GNG7: variants seen among roughly 807,000 people sequenced by gnomAD.
GNG7 encodes G protein subunit gamma 7.
Under a neutral mutation model 4.0 loss-of-function variants are expected in GNG7, and 1 was observed. The ratio of observed to expected loss-of-function variants is 0.25; its 90% CI spans 0.09 to 1.18. The LOEUF (loss-of-function observed/expected upper bound fraction) is 1.18. Among genes scored for constraint, GNG7 ranks in the 50% most tolerant of loss-of-function variants. GNG7 has a pLI of 0.50. For synonymous variants in GNG7, 34 were observed against 36.9 expected (o/e 0.92, Z 0.29); for missense variants, 86 against 91.9 (o/e 0.94, Z 0.26).
In GNG7 at chr19:2,671,565, C is replaced by G. The variant is rs375299884; in HGVS notation, c.-134-25285G>C. Among the ~76,000 whole-genome samples, 74 of 152,076 alleles carry G rather than the reference C, an allele frequency of 4.9e-4. 1 individual carries two copies. Among genetic ancestry groups the G allele is most frequent in the Middle Eastern group, 6.8e-3 (2 of 294 alleles). ...CCTGGCTGAGCTCCGAGGCCATGTCCAGGGGTCATGAATTTGAGGTCAGCC... is the reference window on the plus strand; with the variant it reads ...CCTGGCTGAGCTCCGAGGCCATGTCGAGGGGTCATGAATTTGAGGTCAGCC... On this transcript the variant is annotated intron_variant, in intron 1 of 4. Coordinates refer to ENST00000382159, the MANE Select transcript of GNG7 (RefSeq NM_052847.3).
rs922332065 is a variant in GNG7 at position 2,653,939 on chromosome 19, G to A, written c.-134-7659C>T. On this transcript the variant is annotated intron_variant, in intron 1 of 4. Coordinates refer to ENST00000382159, the MANE Select transcript of GNG7 (RefSeq NM_052847.3). This position sits in a 1 kb window ranked among gnomAD's most constrained non-coding sequence, Gnocchi z 4.8. ...CGAGGGGACAGCTCTCGCCTGCCTC[G>A]GCGAGCCCGGGTTCCAGAAGATGTG... Among the ~76,000 whole-genome samples, 1 of 152,168 alleles carries A rather than the reference G, an allele frequency of 6.6e-6. No individual in the cohort carries two copies. The highest frequency in any genetic ancestry group is 1.5e-5 in the Non-Finnish European group (1 of 68,018).
At chr19:2,556,217 C>T (rs1425865725) in intron 2 of GNG7, among the ~76,000 whole-genome samples, 2 of 152,260 alleles carry the variant, frequency 1.3e-5, no homozygotes, top group Non-Finnish European at 2.9e-5. Context: ...GCTGAGCCGG[C>T]AGCCCCACTT....
At chr19:2,566,370 G>A (rs576081479) in intron 2 of GNG7, among the ~76,000 whole-genome samples, 2 of 152,196 alleles carry the variant, frequency 1.3e-5, no homozygotes, top group East Asian at 3.9e-4. Context: ...ACTGGCTTCG[G>A]AAGAACCCAG....
At chr19:2,681,139 G>T (rs1247115510) in intron 1 of GNG7, among the ~76,000 whole-genome samples, 1 of 150,800 alleles carries the variant, frequency 6.6e-6, no homozygotes, top group Non-Finnish European at 1.5e-5. Context: ...GCCCCAGCAG[G>T]CCTGGCTAAT....
At chr19:2,608,880 A>G (rs190198102) in intron 2 of GNG7, among the ~76,000 whole-genome samples, 2 of 152,294 alleles carry the variant, frequency 1.3e-5, no homozygotes, top group African/African-American at 4.8e-5. Context: ...CCACCTTCTG[A>G]CCCGCTTTTT....
chr19:2,561,479 C>T (rs896585252), intron 2 of GNG7, among the ~76,000 whole-genome samples: 3 of 152,116 alleles, frequency 2.0e-5, no homozygotes, highest in East Asian at 1.9e-4. Context: ...CCTGTCCTCC[C>T]CTTGTCCCTT....
intron 2 of GNG7, among the ~76,000 whole-genome samples, chr19:2,597,116 T>C (rs978650527): frequency 6.6e-6 from 1 of 151,828 alleles, no homozygotes; most frequent in Non-Finnish European, 1.5e-5. Flanking sequence ...AATTTAAAAA[T>C]TATCCAGGCA....
At chr19:2,536,952 ATTTT>A (rs11288292) in intron 3 of GNG7, among the ~76,000 whole-genome samples, 2 of 108,812 alleles carry the variant, frequency 1.8e-5, no homozygotes, top group Non-Finnish European at 4.0e-5. Context: ...TTTTATTTTT[ATTTT>A]TTTTTTTTGA....
intron 3 of GNG7, among the ~76,000 whole-genome samples, chr19:2,527,110 C>T (rs556696907): frequency 2.6e-5 from 4 of 152,346 alleles, no homozygotes; most frequent in Admixed American, 6.5e-5. Flanking sequence ...TCCCAAAGTG[C>T]TGGGATTACA....
At chr19:2,538,108 C>CA (rs1416196330) in intron 3 of GNG7, 1 of 374,728 alleles carries the variant, frequency 2.7e-6, no homozygotes. Flanking sequence ...AACAAAACAA[C>CA]AATGAATGGA....
At position 2,688,093 on chromosome 19, in the gene GNG7, A is replaced by G. The variant is rs183159371; in HGVS notation, c.-135+14553T>C. On this transcript the variant is annotated intron_variant, in intron 1 of 4. Coordinates refer to ENST00000382159, the MANE Select transcript of GNG7 (RefSeq NM_052847.3). ...CGGTGAAACCCCGTCCCTACTAAAA[A>G]TAACAAAAAATTAGCCGGGCATGGT... is the stretch of plus-strand genomic sequence containing the variant. Among the ~76,000 whole-genome samples, 527 of 152,196 alleles carry G rather than the reference A, an allele frequency of 3.5e-3. 5 individuals carry two copies. The highest frequency in any genetic ancestry group is 0.022 in the South Asian group (105 of 4,820).
rs538471873 is a variant in GNG7, at chr19:2,536,275, G to A, written c.-37-15550C>T. On this transcript the variant is annotated intron_variant, in intron 3 of 4. Transcript: ENST00000382159. The stretch of plus-strand genomic sequence containing the variant: ...TACTAAAAATACAAAAACAGTAGCT[G>A]GGTGTGGTGGCGGGCGCCTGTAGTC... 4.6e-5 allele frequency among the ~76,000 whole-genome samples: 7 copies of A among 152,060 alleles called. No homozygotes were observed. In the South Asian group the frequency reaches 6.2e-4, roughly 14 times the overall value.
At chr19:2,602,887 CTT>C (rs939899802) in intron 2 of GNG7, among the ~76,000 whole-genome samples, 1 of 115,438 alleles carries the variant, frequency 8.7e-6, no homozygotes, top group Non-Finnish European at 1.9e-5. Context: ...CTTTCTCTTT[CTT>C]TTTCTCTTTT....
intron 3 of GNG7, among the ~76,000 whole-genome samples, chr19:2,550,124 G>C (rs758474): frequency 0.62 from 94,625 of 151,930 alleles, 30,114 homozygotes; most frequent in African/African-American, 0.76. Context: ...TGGGGAAAGA[G>C]TGTTTGGGTT....
intron 1 of GNG7, among the ~76,000 whole-genome samples, chr19:2,674,818 A>T (rs1194848855): frequency 6.6e-6 from 1 of 152,186 alleles, no homozygotes; most frequent in Non-Finnish European, 1.5e-5. Flanking sequence ...AGATCTCCTT[A>T]TGTGATGGTC....
At chr19:2,664,342 A>G (rs938322158) in intron 1 of GNG7, among the ~76,000 whole-genome samples, 1 of 152,198 alleles carries the variant, frequency 6.6e-6, no homozygotes, top group African/African-American at 2.4e-5. Context: ...TGCTGATTGC[A>G]AAGGAAGGGG....
At chr19:2,554,971 G>A (rs528446987) in intron 3 of GNG7, among the ~76,000 whole-genome samples, 178 bp downstream of exon 3, 67 of 152,154 alleles carry the variant, frequency 4.4e-4, no homozygotes, top group Non-Finnish European at 7.6e-4. Flanking sequence ...GGGCAGAGCT[G>A]GTAAAAGGGG....
intron 2 of GNG7, among the ~76,000 whole-genome samples, chr19:2,644,383 T>TGG: frequency 9.3e-6 from 1 of 107,674 alleles, no homozygotes; most frequent in African/African-American, 4.5e-5. Flanking sequence ...ATATATATAA[T>TGG]GCTCTATCTA....
intron 2 of GNG7, among the ~76,000 whole-genome samples, chr19:2,580,020 C>G (rs1980455888): frequency 6.6e-6 from 1 of 152,242 alleles, no homozygotes; most frequent in South Asian, 2.1e-4. Flanking sequence ...CCAGAATCCA[C>G]TAGGACTTTA....
Sources: gnomAD v4.1 joint callset for allele counts (sites outside exome capture counted in the v4.1 genomes callset) on GRCh38, gnomAD v4.1.1 for gene constraint, Gnocchi (gnomAD v3.1) non-coding constraint, MANE v1.5 for transcripts, NCBI Gene and HGNC (gene_info 2026-07-23, HGNC 2026-07-21) for gene names.